ABHD17C: variants seen among roughly 807,000 people sequenced by gnomAD.
The protein encoded by ABHD17C is alpha/beta hydrolase domain-containing protein 17C.
Under a neutral mutation model 27.9 loss-of-function variants are expected in ABHD17C, and 11 were observed. The observed-to-expected ratio is 0.39, with a 90% CI of 0.25 to 0.65. The LOEUF (loss-of-function observed/expected upper bound fraction) is 0.65, where lower values mean the gene tolerates loss of function less well. Among genes scored for constraint, ABHD17C ranks in the 30% least tolerant of loss-of-function variants. The pLI is 0.45. For synonymous variants in ABHD17C, 233 were observed against 209.1 expected (o/e 1.11, Z -0.98); for missense variants, 280 against 470.2 (o/e 0.60, Z 3.74).
intron 1 of ABHD17C, among the ~76,000 whole-genome samples, chr15:80,726,672 C>G (rs1894983946): frequency 6.6e-6 from 1 of 151,880 alleles, no homozygotes; most frequent in South Asian, 2.1e-4. Flanking sequence ...ACCACCACAC[C>G]CAGCGAATTT....
chr15:80,752,139 C>T lies in ABHD17C; in HGVS notation c.771-2012C>T, dbSNP rs560961734. ...GTAGAGATTCTCCTAAACTGTGCAG[C>T]GTGGAGCATAGTCCCAGGCCCATTG... On this transcript the variant is annotated intron_variant, in intron 2 of 2. Transcript: ENST00000258884. Among the ~76,000 whole-genome samples the T allele has an allele frequency of 9.8e-5, 15 of 152,298 alleles. No homozygotes were observed. The South Asian group carries it at 2.5e-3, about 25-fold the overall frequency.
intron 1 of ABHD17C, among the ~76,000 whole-genome samples, chr15:80,732,288 C>T (rs910152427): frequency 6.6e-6 from 1 of 152,188 alleles, no homozygotes; most frequent in Non-Finnish European, 1.5e-5. Context: ...GTGCAGACTA[C>T]CTCAATTCAG....
intron 1 of ABHD17C, among the ~76,000 whole-genome samples, chr15:80,733,513 A>G (rs1319872647): frequency 6.6e-6 from 1 of 152,204 alleles, no homozygotes; most frequent in Non-Finnish European, 1.5e-5. Flanking sequence ...AGACCTGGAC[A>G]TGTATTCACA....
rs932319288 is a variant in ABHD17C, at chr15:80,754,037, G to A, written c.771-114G>A. 4.4e-5 allele frequency: 37 copies of A among 834,098 alleles called. No individual in the cohort carries two copies. In the East Asian group the frequency reaches 8.7e-4, roughly 20 times the overall value. The allele number at this position is 834,098 out of a possible 1,614,324, so 51.7% of individuals were successfully genotyped here. On this transcript the variant is annotated intron_variant, in intron 2 of 2. Coordinates refer to ENST00000258884, the MANE Select transcript of ABHD17C (RefSeq NM_021214.2). ...AACAAAACAAACAAAAAAAACCCAC[G>A]GTGTTATTTCCCTGCCTGTGGAGAT...
chr15:80,739,225 A>G lies in ABHD17C; in HGVS notation c.591-10288A>G, dbSNP rs142664472. 3.3e-5 allele frequency among the ~76,000 whole-genome samples: 5 copies of G among 152,362 alleles called. No individual in the cohort carries two copies. The East Asian group carries it at 9.6e-4, about 29-fold the overall frequency. ...TTCTTCACCTCATCCCTTCAAAGGTAGAGAAGCCTCCCCTGGCCCCTGAAA... is the reference window on the plus strand; with the variant it reads ...TTCTTCACCTCATCCCTTCAAAGGTGGAGAAGCCTCCCCTGGCCCCTGAAA... On this transcript the variant is annotated intron_variant, in intron 1 of 2. Coordinates refer to ENST00000258884, the MANE Select transcript of ABHD17C (RefSeq NM_021214.2).
chr15:80,721,250 T>G (rs1894893866), intron 1 of ABHD17C, among the ~76,000 whole-genome samples: 1 of 151,498 alleles, frequency 6.6e-6, no homozygotes, highest in African/African-American at 2.4e-5. Flanking sequence ...CCCTTTTTCA[T>G]AACATCCTGC....
At chr15:80,730,650 G>T (rs1416627673) in intron 1 of ABHD17C, among the ~76,000 whole-genome samples, 2 of 152,236 alleles carry the variant, frequency 1.3e-5, no homozygotes, top group Non-Finnish European at 2.9e-5. Context: ...CCAAGGTTGA[G>T]AATGTGGATT....
intron 1 of ABHD17C, among the ~76,000 whole-genome samples, chr15:80,747,160 C>T (rs921071199): frequency 2.6e-5 from 4 of 152,146 alleles, no homozygotes; most frequent in Non-Finnish European, 4.4e-5. Flanking sequence ...CAAGAGTGGT[C>T]ATTGTGGAAA....
intron 1 of ABHD17C, among the ~76,000 whole-genome samples, chr15:80,712,530 A>T (rs539666255): frequency 1.3e-4 from 20 of 152,330 alleles, no homozygotes; most frequent in African/African-American, 4.6e-4. Flanking sequence ...TTTTCTTAAG[A>T]GCAGCCTCAC....
At chr15:80,745,894 T>C (rs1292829199) in intron 1 of ABHD17C, among the ~76,000 whole-genome samples, 1 of 152,262 alleles carries the variant, frequency 6.6e-6, no homozygotes, top group Non-Finnish European at 1.5e-5. Context: ...TGTGTAGACA[T>C]GCACTCAGTC....
At chr15:80,703,886 T>C (rs546033774) in intron 1 of ABHD17C, among the ~76,000 whole-genome samples, 1 of 152,242 alleles carries the variant, frequency 6.6e-6, no homozygotes, top group Non-Finnish European at 1.5e-5. Flanking sequence ...GTTTACATTA[T>C]GTTTTTTCCT....
At chr15:80,709,632 G>A (rs1323530885) in intron 1 of ABHD17C, among the ~76,000 whole-genome samples, 2 of 151,942 alleles carry the variant, frequency 1.3e-5, no homozygotes, top group African/African-American at 2.4e-5. Flanking sequence ...CTTTCATCCC[G>A]TGTAGTGTGA....
chr15:80,696,116 C>T (rs554894335), intron 1 of ABHD17C, 97 bp downstream of exon 1: 9 of 1,297,182 alleles, frequency 6.9e-6, no homozygotes, highest in Non-Finnish European at 9.4e-6. Flanking sequence ...GGAGAGGGGC[C>T]CCTCCTCCGG....
At chr15:80,747,927 A>G (rs1478522142) in intron 1 of ABHD17C, among the ~76,000 whole-genome samples, 1 of 152,114 alleles carries the variant, frequency 6.6e-6, no homozygotes, top group Non-Finnish European at 1.5e-5. Flanking sequence ...AGTGGCCGTC[A>G]TCTCCAGGAC....
At chr15:80,725,944 G>A (rs779620753) in intron 1 of ABHD17C, among the ~76,000 whole-genome samples, 3 of 152,208 alleles carry the variant, frequency 2.0e-5, no homozygotes, top group Non-Finnish European at 2.9e-5. Flanking sequence ...ATATAGAGGT[G>A]TGAAGTGGGA....
intron 1 of ABHD17C, among the ~76,000 whole-genome samples, chr15:80,724,163 C>T (rs540666721): frequency 1.3e-5 from 2 of 152,100 alleles, no homozygotes; most frequent in African/African-American, 2.4e-5. Flanking sequence ...CAAGGCAAAA[C>T]TCCACCTCTA....
chr15:80,704,926 A>G (rs768823332), intron 1 of ABHD17C: 2 of 152,222 alleles, frequency 1.3e-5, no homozygotes, highest in African/African-American at 2.4e-5. Context: ...GTGAAAGGCT[A>G]TGGAAAAATA....
intron 1 of ABHD17C, among the ~76,000 whole-genome samples, chr15:80,701,109 G>T (rs1894565894): frequency 6.6e-6 from 1 of 152,126 alleles, no homozygotes; most frequent in South Asian, 2.1e-4. Flanking sequence ...TGATTCACAG[G>T]ATCCATAATT....
At chr15:80,730,376 T>TG (rs1488363585) in intron 1 of ABHD17C, among the ~76,000 whole-genome samples, 1 of 152,192 alleles carries the variant, frequency 6.6e-6, no homozygotes, top group East Asian at 1.9e-4. Flanking sequence ...GCTGGGTGGA[T>TG]GGGGATGGAG....
Sources: allele counts gnomAD v4.1 joint callset (sites outside exome capture counted in the v4.1 genomes callset), GRCh38; gene constraint gnomAD v4.1.1; transcripts MANE v1.5; gene names NCBI Gene and HGNC (gene_info 2026-07-23, HGNC 2026-07-21).